RANBP2: variants seen among roughly 807,000 people sequenced by gnomAD.
RANBP2 encodes RAN binding protein 2.
Under a neutral mutation model 303.6 loss-of-function variants are expected in RANBP2, and 57 were observed. The ratio of observed to expected loss-of-function variants is 0.19; its 90% CI spans 0.15 to 0.23. The LOEUF (loss-of-function observed/expected upper bound fraction) is 0.23, where lower values mean the gene tolerates loss of function less well. Among genes scored for constraint, RANBP2 ranks in the 10% least tolerant of loss-of-function variants. RANBP2 has a pLI of 1.00. For missense variants in RANBP2, 3,138 were observed against 3,780.8 expected (o/e 0.83, Z 4.46); for synonymous variants, 1,167 against 1,301.5 (o/e 0.90, Z 2.23).
chr2:108,931,454 C>T, the RANBP2 span, among the ~76,000 whole-genome samples: 1 of 152,228 alleles, frequency 6.6e-6, no homozygotes, highest in Non-Finnish European at 1.5e-5. Context: ...CTGGTCTTTG[C>T]CCCTCTGGAT....
the RANBP2 span, among the ~76,000 whole-genome samples, chr2:109,489,495 G>C: frequency 6.6e-6 from 1 of 152,222 alleles, no homozygotes; most frequent in Non-Finnish European, 1.5e-5. Flanking sequence ...CCACTTAGAA[G>C]AGCTGGGGGA....
intron 1 of RANBP2, chr2:108,720,055 C>T (rs1573665721): frequency 1.0e-6 from 1 of 985,044 alleles, no homozygotes; most frequent in Non-Finnish European, 1.2e-6. Context: ...GGTTTCTTCC[C>T]ATCTCCTGGA....
the RANBP2 span, among the ~76,000 whole-genome samples, chr2:109,020,740 A>C: frequency 1.3e-5 from 2 of 152,228 alleles, no homozygotes; most frequent in Non-Finnish European, 2.9e-5. Context: ...TATAATAGCG[A>C]CATCAGGGCG....
the RANBP2 span, among the ~76,000 whole-genome samples, chr2:109,369,067 G>C: frequency 6.6e-6 from 1 of 152,124 alleles, no homozygotes; most frequent in Non-Finnish European, 1.5e-5. Context: ...ACACTTGGCC[G>C]GGCATGGTGG....
chr2:108,775,795 A>G lies in RANBP2; in HGVS notation c.8356A>G (p.Met2786Val), dbSNP rs1165880447. 1.7e-5 allele frequency: 27 copies of G among 1,613,784 alleles called. No individual in the cohort carries two copies. Among genetic ancestry groups the G allele is most frequent in the Non-Finnish European group, 2.2e-5 (26 of 1,179,950 alleles). The change falls in exon 24 of 29, where the codon ATG becomes GTG. Residue 2786 changes from methionine (M) to valine (V), a missense_variant. This residue lies in a region of RANBP2 where 497 missense variants were observed against 465.8 expected (regional missense o/e 1.07). Coordinates refer to ENST00000283195, the MANE Select transcript of RANBP2 (RefSeq NM_006267.5). Reference protein sequence around the residue: ...DSVYTGGTEVMVPSFCKSEEP... With the variant: ...DSVYTGGTEVVVPSFCKSEEP... ...TGTATATACAGGTGGGACTGAAGTGATGGTACCTTCTTTCTGTAAATCTGA... is the reference window on the plus strand; with the variant it reads ...TGTATATACAGGTGGGACTGAAGTGGTGGTACCTTCTTTCTGTAAATCTGA...
chr2:109,767,368 C>G, the RANBP2 span, among the ~76,000 whole-genome samples: 4 of 147,324 alleles, frequency 2.7e-5, no homozygotes, highest in African/African-American at 1.0e-4. Flanking sequence ...CTCTTACTTA[C>G]GGTGGTACTA....
the RANBP2 span, among the ~76,000 whole-genome samples, chr2:109,181,446 G>A: frequency 6.6e-6 from 1 of 152,142 alleles, no homozygotes; most frequent in Admixed American, 6.5e-5. Context: ...ATCTGGCGCT[G>A]TAAGGGTTTG....
chr2:109,476,679 G>T, the RANBP2 span, among the ~76,000 whole-genome samples: 13 of 152,224 alleles, frequency 8.5e-5, no homozygotes, highest in African/African-American at 3.1e-4. Context: ...CCGCAAGAAA[G>T]AATTCAGGGT....
the RANBP2 span, among the ~76,000 whole-genome samples, chr2:108,848,581 T>G: frequency 1.3e-5 from 2 of 152,244 alleles, no homozygotes; most frequent in African/African-American, 2.4e-5. Context: ...AGATGTCCCA[T>G]ATGGCTTAAT....
chr2:108,779,065 T>C (rs1678066874), intron 25 of RANBP2, among the ~76,000 whole-genome samples: 1 of 151,958 alleles, frequency 6.6e-6, no homozygotes, highest in Non-Finnish European at 1.5e-5. Context: ...AGTTGGTATC[T>C]CATCCAGATC....
chr2:109,707,591 G>C, the RANBP2 span, among the ~76,000 whole-genome samples: 1 of 152,104 alleles, frequency 6.6e-6, no homozygotes, highest in Non-Finnish European at 1.5e-5. Flanking sequence ...CACCCGCCCT[G>C]CCCTCCCTAT....
the RANBP2 span, among the ~76,000 whole-genome samples, chr2:109,061,269 T>G: frequency 1.3e-5 from 2 of 152,118 alleles, no homozygotes; most frequent in African/African-American, 4.8e-5. Context: ...TTCCCAAGCT[T>G]AGGCTGAATG....
the RANBP2 span, among the ~76,000 whole-genome samples, chr2:109,697,788 A>G: frequency 6.6e-6 from 1 of 151,610 alleles, no homozygotes; most frequent in Admixed American, 6.6e-5. Context: ...GTGAGAGAAA[A>G]CATCCTTCCC....
chr2:109,071,595 A>G, the RANBP2 span, among the ~76,000 whole-genome samples: 3 of 151,992 alleles, frequency 2.0e-5, no homozygotes, highest in African/African-American at 7.3e-5. Flanking sequence ...AATCACTTGA[A>G]CCTGGGAGGT....
chr2:109,491,072 C>G, the RANBP2 span: 1 of 796,532 alleles, frequency 1.3e-6, no homozygotes, highest in Non-Finnish European at 1.8e-6. Flanking sequence ...CCCAGATCCA[C>G]ATGGTCCCGA....
the RANBP2 span, among the ~76,000 whole-genome samples, chr2:109,644,169 T>C: frequency 6.7e-6 from 1 of 149,678 alleles, no homozygotes; most frequent in African/African-American, 2.5e-5. Context: ...TAGCCAGGCG[T>C]GGTGGTGCAC....
the RANBP2 span, among the ~76,000 whole-genome samples, chr2:109,068,550 G>A: frequency 1.1e-4 from 16 of 152,350 alleles, no homozygotes; most frequent in African/African-American, 3.6e-4. Flanking sequence ...CTGGGGAAAT[G>A]TTGGTCATTA....
At chr2:109,259,278 C>G in the RANBP2 span, among the ~76,000 whole-genome samples, 4 of 152,334 alleles carry the variant, frequency 2.6e-5, no homozygotes, top group Admixed American at 6.5e-5. Context: ...CTGCTGGCTC[C>G]TGAACAACTG....
chr2:108,837,823 C>A, the RANBP2 span, among the ~76,000 whole-genome samples: 2 of 152,026 alleles, frequency 1.3e-5, no homozygotes, highest in South Asian at 2.1e-4. Flanking sequence ...TAAAATTTTA[C>A]TGAGATTATG....
Sources: allele counts gnomAD v4.1 joint callset (sites outside exome capture counted in the v4.1 genomes callset), GRCh38; gene constraint gnomAD v4.1.1; regional missense constraint gnomAD v4.1.1; transcripts MANE v1.5; gene names NCBI Gene and HGNC (gene_info 2026-07-23, HGNC 2026-07-21).